GIMAP5: variants seen among roughly 807,000 people sequenced by gnomAD.
GIMAP5 encodes the protein GTPase, IMAP family member 5, also known as GTPase IMAP family member 5.
Under a neutral mutation model 9.9 loss-of-function variants are expected in GIMAP5, and 8 were observed. The ratio of observed to expected loss-of-function variants is 0.81; its 90% CI spans 0.47 to 1.45. The LOEUF is 1.45. Ranked by LOEUF, GIMAP5 falls within the 40% of genes most tolerant of loss-of-function variation. GIMAP5 has a pLI of 0.00. For synonymous variants in GIMAP5, 174 were observed against 151.4 expected (o/e 1.15, Z -1.09); for missense variants, 353 against 367.4 (o/e 0.96, Z 0.32).
chr7:150,742,392 T>A lies in GIMAP5; in HGVS notation c.253T>A (p.Ser85Thr), dbSNP rs141446982. The part of the protein sequence containing the change: ...GRKVLVVDTP[S>T]IFESQADTQE... ...GAAAGTCCTGGTGGTTGACACGCCCTCCATCTTTGAGTCACAGGCCGATAC... is the reference window on the plus strand; with the variant it reads ...GAAAGTCCTGGTGGTTGACACGCCCACCATCTTTGAGTCACAGGCCGATAC... Residue 85 changes from serine (S) to threonine (T), a missense_variant, in exon 3 of 3, where the codon TCC becomes ACC. Coordinates refer to ENST00000358647, the MANE Select transcript of GIMAP5 (RefSeq NM_018384.5). 5 of 1,613,990 alleles carry A rather than the reference T, an allele frequency of 3.1e-6. No homozygotes were observed. The African/African-American group carries it at 5.3e-5, about 17-fold the overall frequency.
rs748105968 is a variant in GIMAP5 at position 150,742,824 on chromosome 7, C to A, written c.685C>A (p.Leu229Met). The A allele has an allele frequency of 6.2e-7, 1 of 1,614,146 alleles. No individual in the cohort carries two copies. ...CAATGACCTCTTCTTGGATGCCCAG[C>A]TGCTCCAAAGAACTGGAGCTGGGGC... Reference protein sequence around the residue: ...HSNDLFLDAQLLQRTGAGACQ... With the variant: ...HSNDLFLDAQMLQRTGAGACQ... Residue 229 changes from leucine to methionine, a missense_variant, in exon 3 of 3, where the codon CTG becomes ATG. Coordinates refer to ENST00000358647, the MANE Select transcript of GIMAP5 (RefSeq NM_018384.5).
Position 150,737,646 on chromosome 7 carries a change from G to A in GIMAP5, c.-69G>A, listed in dbSNP as rs1001318981. On this transcript the variant is annotated 5_prime_UTR_variant, in exon 1 of 3. Coordinates refer to ENST00000358647, the MANE Select transcript of GIMAP5 (RefSeq NM_018384.5). ...GCTGCCACTTCACCTTCCTGAGAGA[G>A]GACCAGCGGCCAGAGCCTCAGTGAC... 5.3e-5 allele frequency: 82 copies of A among 1,535,596 alleles called. No homozygotes were observed. The highest frequency in any genetic ancestry group is 7.0e-5 in the Non-Finnish European group (80 of 1,146,918).
intron 2 of GIMAP5, 75 bp downstream of exon 2, chr7:150,741,002 C>G: frequency 6.7e-7 from 1 of 1,497,732 alleles, no homozygotes; most frequent in Non-Finnish European, 9.3e-7. Flanking sequence ...CTACCCCCAT[C>G]TAAAACACAG....
rs1251753421 is a variant in GIMAP5 at position 150,742,811 on chromosome 7, C to T, written c.672C>T (p.Phe224=). 2.5e-6 allele frequency: 4 copies of T among 1,614,174 alleles called. No homozygotes were observed. In the Admixed American group the frequency reaches 6.7e-5, roughly 27 times the overall value. The change falls in exon 3 of 3, where the codon TTC becomes TTT. Residue 224 remains phenylalanine, a synonymous_variant. Transcript: ENST00000358647. ...GCTCCTTCCACAGCAATGACCTCTT[C>T]TTGGATGCCCAGCTGCTCCAAAGAA... ...REGSFHSNDL[F]LDAQLLQRTG... is the part of the protein sequence containing the mutation.
At chr7:150,740,855 A>C in intron 1 of GIMAP5, 24 bp from the exon 2 acceptor site, 1 of 1,613,612 alleles carries the variant, frequency 6.2e-7, no homozygotes, top group Non-Finnish European at 8.5e-7. Context: ...TCTGCTTTTT[A>C]TCCTTTTCCT....
At chr7:150,742,131 A>C in intron 2 of GIMAP5, 52 bp from the exon 3 acceptor site, 1 of 1,567,794 alleles carries the variant, frequency 6.4e-7, no homozygotes, top group Non-Finnish European at 8.7e-7. Flanking sequence ...CAATGACCTA[A>C]CAGTCTTAAG....
chr7:150,738,370 A>G (rs1797547285), intron 1 of GIMAP5: 1 of 152,652 alleles, frequency 6.6e-6, no homozygotes, highest in African/African-American at 2.4e-5. Context: ...ACCAAACCGC[A>G]AAACACATGA....
In GIMAP5 at chr7:150,742,779, C is replaced by G. The variant is rs780355836; in HGVS notation, c.640C>G (p.Arg214Gly). ...LAVIERLGRE[R>G]EGSFHSNDLF... Reference sequence around the variant, plus strand: ...TGTGATTGAGAGGCTGGGGAGGGAGCGAGAGGGCTCCTTCCACAGCAATGA... The same window carrying G: ...TGTGATTGAGAGGCTGGGGAGGGAGGGAGAGGGCTCCTTCCACAGCAATGA... Residue 214 changes from arginine to glycine, a missense_variant, in exon 3 of 3, where the codon CGA becomes GGA. Physicochemically the swap from Arg to Gly is moderately radical, Grantham distance 125. Coordinates refer to ENST00000358647, the MANE Select transcript of GIMAP5 (RefSeq NM_018384.5). 1.2e-6 allele frequency: 2 copies of G among 1,613,944 alleles called. No homozygotes were observed. The highest frequency in any genetic ancestry group is 1.7e-6 in the Non-Finnish European group (2 of 1,180,018).
intron 1 of GIMAP5, 67 bp from the exon 2 acceptor site, chr7:150,740,812 T>A: frequency 2.0e-6 from 3 of 1,473,222 alleles, no homozygotes; most frequent in Non-Finnish European, 1.9e-6. Flanking sequence ...TGAATTGAGG[T>A]GCCCTCAGGC....
Position 150,742,407 on chromosome 7 carries a change from C to A in GIMAP5, c.268C>A (p.Gln90Lys). Residue 90 changes from glutamine (Q) to lysine (K), a missense_variant, in exon 3 of 3, where the codon CAG becomes AAG. Gln to Lys is a moderately conservative substitution (Grantham distance 53). Transcript: ENST00000358647. ...VVDTPSIFES[Q>K]ADTQELYKNI... ...TGACACGCCCTCCATCTTTGAGTCACAGGCCGATACCCAAGAGCTGTACAA... is the reference window on the plus strand; with the variant it reads ...TGACACGCCCTCCATCTTTGAGTCAAAGGCCGATACCCAAGAGCTGTACAA... 1 of 1,614,088 alleles carries A rather than the reference C, an allele frequency of 6.2e-7. No homozygotes were observed. The highest frequency in any genetic ancestry group is 8.5e-7 in the Non-Finnish European group (1 of 1,179,976).
chr7:150,738,114 T>G, intron 1 of GIMAP5: 1 of 197,712 alleles, frequency 5.1e-6, no homozygotes, highest in Admixed American at 5.4e-5. Flanking sequence ...CTTCTCAATT[T>G]TACCCTCCTA....
chr7:150,741,187 T>C (rs1360272133), intron 2 of GIMAP5, among the ~76,000 whole-genome samples: 1 of 152,096 alleles, frequency 6.6e-6, no homozygotes, highest in Non-Finnish European at 1.5e-5. Flanking sequence ...TTGAAGGGTC[T>C]GGAAGCAAAT....
chr7:150,742,196 T>C lies in GIMAP5; in HGVS notation c.57T>C (p.Asp19=). The C allele has an allele frequency of 1.2e-6, 2 of 1,613,802 alleles. No individual in the cohort carries two copies. The highest frequency in any genetic ancestry group is 2.2e-5 in the South Asian group (2 of 91,060). ...YGTMAEGRSE[D]NLSATPPALR... ...CGTTTTCTACAGGTAGATCAGAAGATAACTTGTCTGCAACACCACCGGCAT... is the reference window on the plus strand; with the variant it reads ...CGTTTTCTACAGGTAGATCAGAAGACAACTTGTCTGCAACACCACCGGCAT... Residue 19 remains aspartate (D), a synonymous_variant, in exon 3 of 3, where the codon GAT becomes GAC. Coordinates refer to ENST00000358647, the MANE Select transcript of GIMAP5 (RefSeq NM_018384.5).
Position 150,743,314 on chromosome 7 carries a change from G to T in GIMAP5, c.*251G>T, listed in dbSNP as rs896286264. ...GGAATGGGCCTGAGATCCCATGCAG[G>T]TCCCTGAGAAGTGAGTAAAAGTCCG... On this transcript the variant is annotated 3_prime_UTR_variant, in exon 3 of 3. Transcript: ENST00000358647. The T allele has an allele frequency of 6.4e-6, 3 of 467,178 alleles. No individual in the cohort carries two copies. The highest frequency in any genetic ancestry group is 3.9e-5 in the African/African-American group (2 of 50,948). The allele number at this position is 467,178 out of a possible 1,614,324, so 28.9% of individuals were successfully genotyped here. A position where few individuals can be genotyped will look rare whatever the true frequency, so the allele number is the denominator to read the frequency against.
rs1797536041 is a variant in GIMAP5, at chr7:150,737,686, AC to A, written c.-28del. On this transcript the variant is annotated 5_prime_UTR_variant, in exon 1 of 3. Transcript: ENST00000358647. ...GCCTCAGTGACTGCCACCCTGGAGG[AC>A]AGGGCACAACAACCGTTTCTGGTAA... The A allele has an allele frequency of 6.5e-7, 1 of 1,535,534 alleles. No homozygotes were observed. Among genetic ancestry groups the A allele is most frequent in the Admixed American group, 2.0e-5 (1 of 50,982 alleles).
Position 150,742,957 on chromosome 7 carries a change from T to C in GIMAP5, c.818T>C (p.Leu273Pro), listed in dbSNP as rs752731508. The C allele has an allele frequency of 6.2e-7, 1 of 1,614,238 alleles. No homozygotes were observed. Among genetic ancestry groups the C allele is most frequent in the South Asian group, 1.1e-5 (1 of 91,086 alleles). Reference sequence around the variant, plus strand: ...AGTAACTGGGCATACAAGGCGCTCCTCAGAGTCAAACACTTGATGCTTTTG... The same window carrying C: ...AGTAACTGGGCATACAAGGCGCTCCCCAGAGTCAAACACTTGATGCTTTTG... ...NESNWAYKAL[L>P]RVKHLMLLHY... Residue 273 changes from leucine (L) to proline (P), a missense_variant, in exon 3 of 3, where the codon CTC (leucine) becomes CCC (proline). Coordinates refer to ENST00000358647, the MANE Select transcript of GIMAP5 (RefSeq NM_018384.5).
Position 150,737,594 on chromosome 7 carries a change from A to C in GIMAP5, c.-121A>C, listed in dbSNP as rs1412767361. 1 of 1,535,580 alleles carries C rather than the reference A, an allele frequency of 6.5e-7. No individual in the cohort carries two copies. Among genetic ancestry groups the C allele is most frequent in the African/African-American group, 1.4e-5 (1 of 73,150 alleles). On this transcript the variant is annotated 5_prime_UTR_variant, in exon 1 of 3. Transcript: ENST00000358647. ...TCAGCCCTGTGAACAGCATCCCCGCACACAGACGCAGAGCAGGACTCTCTC... is the reference window on the plus strand; with the variant it reads ...TCAGCCCTGTGAACAGCATCCCCGCCCACAGACGCAGAGCAGGACTCTCTC...
intron 1 of GIMAP5, chr7:150,740,437 G>A (rs140541645): frequency 1.8e-4 from 30 of 164,194 alleles, no homozygotes; most frequent in African/African-American, 6.5e-4. Flanking sequence ...TCTGGGACTG[G>A]AAGTTTCCAC....
chr7:150,739,428 G>A (rs1797562913), intron 1 of GIMAP5: 1 of 152,152 alleles, frequency 6.6e-6, no homozygotes. Flanking sequence ...ATTTGAGAGA[G>A]CAATTAAAAT....
Sources: gnomAD v4.1 joint callset for allele counts (sites outside exome capture counted in the v4.1 genomes callset) on GRCh38, gnomAD v4.1.1 for gene constraint, MANE v1.5 for transcripts, NCBI Gene and HGNC (gene_info 2026-07-23, HGNC 2026-07-21) for gene names.